DYNLT5: variants seen among roughly 807,000 people sequenced by gnomAD.
DYNLT5 encodes the protein dynein light chain Tctex-type family member 5, also known as dynein light chain Tctex-type 5.
A neutral mutation model predicts 19.3 loss-of-function variants in DYNLT5; 25 were observed. The observed-to-expected ratio is 1.30, with a 90% CI of 0.95 to 1.81. The LOEUF (loss-of-function observed/expected upper bound fraction) is 1.81, where lower values mean the gene tolerates loss of function less well. Ranked by LOEUF, DYNLT5 falls within the 40% of genes most tolerant of loss-of-function variation. The pLI is 0.00. For missense variants in DYNLT5, 232 were observed against 217.9 expected (o/e 1.06, Z -0.41); for synonymous variants, 82 against 68.9 (o/e 1.19, Z -0.94).
chr1:66,769,688 A>G (rs1345214234), intron 2 of DYNLT5, among the ~76,000 whole-genome samples: 1 of 152,138 alleles, frequency 6.6e-6, no homozygotes, highest in Non-Finnish European at 1.5e-5. Context: ...ACTAAGTTGA[A>G]TTAAGTAGTG....
intron 2 of DYNLT5, among the ~76,000 whole-genome samples, chr1:66,764,888 C>A (rs1476422533): frequency 6.6e-6 from 1 of 152,140 alleles, no homozygotes; most frequent in African/African-American, 2.4e-5. Flanking sequence ...CTGCTGGGGA[C>A]AAGTTGGTAT....
At chr1:66,759,875 A>G (rs1279543124) in intron 2 of DYNLT5, among the ~76,000 whole-genome samples, 3 of 152,170 alleles carry the variant, frequency 2.0e-5, no homozygotes, top group Non-Finnish European at 4.4e-5. Context: ...TGATCTAGCT[A>G]CCTGATACCT....
At position 66,767,962 on chromosome 1, in the gene DYNLT5, T is replaced by C. The variant is rs988045664; in HGVS notation, c.120-2425T>C. On this transcript the variant is annotated intron_variant, in intron 2 of 4. Transcript: ENST00000282670. Reference sequence around the variant, plus strand: ...CACAAAAAGAGACTGAGAATTTGTCTTTAGTCTGCACAGGAATATTCCTAC... The same window carrying C: ...CACAAAAAGAGACTGAGAATTTGTCCTTAGTCTGCACAGGAATATTCCTAC... Among the ~76,000 whole-genome samples the C allele has an allele frequency of 2.0e-5, 3 of 152,322 alleles. No homozygotes were observed. The South Asian group carries it at 6.2e-4, about 32-fold the overall frequency.
At chr1:66,767,091 A>AG (rs1645161861) in intron 2 of DYNLT5, among the ~76,000 whole-genome samples, 2 of 152,082 alleles carry the variant, frequency 1.3e-5, no homozygotes, top group Non-Finnish European at 2.9e-5. Flanking sequence ...CCCGTGACAC[A>AG]AGTTCACCTA....
Position 66,759,124 on chromosome 1 carries a change from A to G in DYNLT5, c.119+4347A>G, listed in dbSNP as rs996767410. ...AGGTTATTAAGCCATTTCACATACA[A>G]TATCTGTGTAAGTTAAACAGACAAG... On this transcript the variant is annotated intron_variant, in intron 2 of 4. Coordinates refer to ENST00000282670, the MANE Select transcript of DYNLT5 (RefSeq NM_152665.3). Among the ~76,000 whole-genome samples, 4 of 152,182 alleles carry G rather than the reference A, an allele frequency of 2.6e-5. No homozygotes were observed. The East Asian group carries it at 7.7e-4, about 29-fold the overall frequency.
At chr1:66,763,257 G>C (rs538953307) in intron 2 of DYNLT5, among the ~76,000 whole-genome samples, 2 of 152,310 alleles carry the variant, frequency 1.3e-5, no homozygotes, top group South Asian at 4.1e-4. Context: ...CCGTAAAACA[G>C]ATGTGCTGTC....
At chr1:66,760,772 A>G (rs557799889) in intron 2 of DYNLT5, among the ~76,000 whole-genome samples, 1 of 152,348 alleles carries the variant, frequency 6.6e-6, no homozygotes, top group Middle Eastern at 3.4e-3. Flanking sequence ...AATGCATTTC[A>G]TCCAAGAGCT....
intron 3 of DYNLT5, among the ~76,000 whole-genome samples, chr1:66,773,730 A>G (rs1312557950): frequency 6.6e-6 from 1 of 152,126 alleles, no homozygotes; most frequent in Non-Finnish European, 1.5e-5. Flanking sequence ...ACTTATCTTT[A>G]TCTACTTTTT....
At chr1:66,758,870 T>C (rs1007911069) in intron 2 of DYNLT5, among the ~76,000 whole-genome samples, 3 of 152,116 alleles carry the variant, frequency 2.0e-5, no homozygotes, top group African/African-American at 4.8e-5. Context: ...CAATTGAAAA[T>C]GGTGCTGCCA....
chr1:66,763,411 G>A (rs907623826), intron 2 of DYNLT5, among the ~76,000 whole-genome samples: 1 of 152,196 alleles, frequency 6.6e-6, no homozygotes, highest in Admixed American at 6.5e-5. Flanking sequence ...AAGTCAGTCT[G>A]TCCTTTGAAG....
In DYNLT5 at chr1:66,777,105, T is replaced by A. The variant is rs1437351982; in HGVS notation, c.337-146T>A. Reference sequence around the variant, plus strand: ...TCAAGGGGACCATGCTTGAAGGGAATCATACTTACGGTTCTAAAACAATCA... The same window carrying A: ...TCAAGGGGACCATGCTTGAAGGGAAACATACTTACGGTTCTAAAACAATCA... On this transcript the variant is annotated intron_variant, in intron 4 of 4. Coordinates refer to ENST00000282670, the MANE Select transcript of DYNLT5 (RefSeq NM_152665.3). 4.5e-6 allele frequency: 3 copies of A among 667,264 alleles called. No individual in the cohort carries two copies. In the East Asian group the frequency reaches 8.3e-5, roughly 18 times the overall value. 41.3% of individuals were successfully genotyped at this position (667,264 alleles called of 1,614,324 possible). A position where few individuals can be genotyped will look rare whatever the true frequency, so the allele number is the denominator to read the frequency against.
At chr1:66,777,170 C>A in intron 4 of DYNLT5, 81 bp from the exon 5 acceptor site, 1 of 1,189,408 alleles carries the variant, frequency 8.4e-7, no homozygotes. Flanking sequence ...TAAATTAAAT[C>A]CCTTATATTT....
At chr1:66,762,291 T>A (rs1030273838) in intron 2 of DYNLT5, among the ~76,000 whole-genome samples, 6 of 152,248 alleles carry the variant, frequency 3.9e-5, no homozygotes, top group Admixed American at 2.0e-4. Context: ...ACATTTAGTA[T>A]TTCTTCCTGT....
rs187032539 is a variant in DYNLT5 at position 66,763,097 on chromosome 1, G to A, written c.120-7290G>A. Among the ~76,000 whole-genome samples the A allele has an allele frequency of 2.0e-5, 3 of 152,318 alleles. No homozygotes were observed. In the East Asian group the frequency reaches 5.8e-4, roughly 29 times the overall value. On this transcript the variant is annotated intron_variant, in intron 2 of 4. Transcript: ENST00000282670. ...TGCAGAATGAATGTTGTGTTAGCAG[G>A]CATGAAAGCAACATTAATCTTCTTG...
intron 2 of DYNLT5, among the ~76,000 whole-genome samples, chr1:66,762,970 CAT>C (rs1050043204): frequency 2.0e-5 from 3 of 152,122 alleles, no homozygotes; most frequent in African/African-American, 7.2e-5. Context: ...CAAAATATCA[CAT>C]GTTCCCCATA....
At chr1:66,768,732 T>G (rs550223419) in intron 2 of DYNLT5, 1 of 152,226 alleles carries the variant, frequency 6.6e-6, no homozygotes, top group Non-Finnish European at 1.5e-5. Context: ...AGAAATTGAG[T>G]TTTTATGAAT....
intron 3 of DYNLT5, among the ~76,000 whole-genome samples, chr1:66,773,359 C>T (rs1405064204): frequency 6.6e-6 from 1 of 152,136 alleles, no homozygotes; most frequent in East Asian, 1.9e-4. Context: ...CCATGAAGTG[C>T]TCAGGCCCTG....
chr1:66,764,750 T>C (rs1411731005), intron 2 of DYNLT5, among the ~76,000 whole-genome samples: 1 of 152,176 alleles, frequency 6.6e-6, no homozygotes, highest in African/African-American at 2.4e-5. Context: ...AAACACACAT[T>C]GTGTGCAAAG....
At chr1:66,773,791 G>T (rs1645218591) in intron 3 of DYNLT5, among the ~76,000 whole-genome samples, 4 of 151,542 alleles carry the variant, frequency 2.6e-5, no homozygotes. Flanking sequence ...GATCCTTCAG[G>T]TCTTTGCCTT....
Sources: gnomAD v4.1 joint callset for allele counts (sites outside exome capture counted in the v4.1 genomes callset) on GRCh38, gnomAD v4.1.1 for gene constraint, MANE v1.5 for transcripts, NCBI Gene and HGNC (gene_info 2026-07-23, HGNC 2026-07-21) for gene names.